The following EPHA7 variants were observed in gnomAD, a reference collection of about 807,000 sequenced individuals.
EPHA7 encodes the protein EPH receptor A7, also known as ephrin type-A receptor 7.
Under a neutral mutation model 112.6 loss-of-function variants are expected in EPHA7, and 25 were observed. The ratio of observed to expected loss-of-function variants is 0.22; its 90% CI spans 0.16 to 0.31. EPHA7 has a LOEUF of 0.31. Ranked by LOEUF, EPHA7 falls within the 10% of genes least tolerant of loss-of-function variation. EPHA7 has a pLI of 1.00. For synonymous variants in EPHA7, 437 were observed against 406.5 expected (o/e 1.07, Z -0.90); for missense variants, 962 against 1,212.6 (o/e 0.79, Z 3.07).
rs145795183 is a variant in EPHA7, at chr6:93,304,130, T to A, written c.1325-31708A>T. ...GGAATAGTAGGCATTCTAGAATGGA[T>A]TGGCTGTCATGAATAATTACTATAC... On this transcript the variant is annotated intron_variant, in intron 5 of 16. Transcript: ENST00000369303. Among the ~76,000 whole-genome samples, 846 of 150,894 alleles carry A rather than the reference T, an allele frequency of 5.6e-3. 3 individuals carry two copies. Among genetic ancestry groups the A allele is most frequent in the Middle Eastern group, 0.014 (4 of 292 alleles).
chr6:93,330,580 C>T (rs987564957), intron 5 of EPHA7, among the ~76,000 whole-genome samples: 15 of 151,436 alleles, frequency 9.9e-5, no homozygotes, highest in Admixed American at 4.0e-4. Context: ...ATAATGTCCT[C>T]CAGGCTCAAC....
intron 3 of EPHA7, among the ~76,000 whole-genome samples, chr6:93,385,474 A>AT (rs1301178394): frequency 1.3e-5 from 2 of 151,992 alleles, no homozygotes; most frequent in Admixed American, 6.6e-5. Context: ...TCCAGATTGC[A>AT]TTTTTTAATT....
intron 5 of EPHA7, among the ~76,000 whole-genome samples, chr6:93,292,170 T>G (rs1772414788): frequency 6.6e-6 from 1 of 152,136 alleles, no homozygotes; most frequent in African/African-American, 2.4e-5. Flanking sequence ...CAATCCCAGC[T>G]CTGTCACTTA....
chr6:93,416,558 C>T (rs1779237298), intron 1 of EPHA7, among the ~76,000 whole-genome samples: 1 of 152,202 alleles, frequency 6.6e-6, no homozygotes, highest in African/African-American at 2.4e-5. Context: ...CAGAACCCGG[C>T]CCGAGAACGT....
intron 3 of EPHA7, among the ~76,000 whole-genome samples, chr6:93,384,503 A>T (rs1252910128): frequency 1.3e-5 from 2 of 152,188 alleles, no homozygotes; most frequent in African/African-American, 4.8e-5. Context: ...CCAGAACTTA[A>T]TGCAACTTTT....
chr6:93,272,330 T>C lies in EPHA7; in HGVS notation c.1417A>G (p.Ile473Val), dbSNP rs1431588483. Reference sequence around the variant, plus strand: ...TAATACTTGATTTCATATTCTGTGATGACTCCATTGGGATGCTCTGGTTCC... The same window carrying C: ...TAATACTTGATTTCATATTCTGTGACGACTCCATTGGGATGCTCTGGTTCC... ...WQEPEHPNGV[I>V]TEYEIKYYEK... Residue 473 changes from isoleucine to valine, a missense_variant, in exon 6 of 17, where the codon ATC becomes GTC. By Grantham distance (29) the Ile-to-Val change is conservative. This residue lies in a region of EPHA7 where 746 missense variants were observed against 889.2 expected (regional missense o/e 0.84). Coordinates refer to ENST00000369303, the MANE Select transcript of EPHA7 (RefSeq NM_004440.4). 6.2e-7 allele frequency: 1 copy of C among 1,612,180 alleles called. No individual in the cohort carries two copies. The highest frequency in any genetic ancestry group is 1.3e-5 in the African/African-American group (1 of 74,872).
At position 93,390,206 on chromosome 6, in the gene EPHA7, A is replaced by G. The variant is rs1400077504; in HGVS notation, c.832+20295T>C. The stretch of plus-strand genomic sequence containing the variant: ...ACAATGTGGAATATTCTAAAAGGTA[A>G]CTGGTCTGGATTCTCAAAAAAAAAA... On this transcript the variant is annotated intron_variant, in intron 3 of 16. Transcript: ENST00000369303. 2.0e-5 allele frequency among the ~76,000 whole-genome samples: 3 copies of G among 151,504 alleles called. No homozygotes were observed. The East Asian group carries it at 5.8e-4, about 29-fold the overall frequency.
At chr6:93,256,306 T>C (rs1193202006) in intron 12 of EPHA7, among the ~76,000 whole-genome samples, 2 of 152,102 alleles carry the variant, frequency 1.3e-5, no homozygotes, top group Non-Finnish European at 2.9e-5. Flanking sequence ...AGTCCAAAAG[T>C]ATATGCTAAT....
intron 3 of EPHA7, among the ~76,000 whole-genome samples, chr6:93,396,752 A>G (rs1025185068): frequency 6.6e-5 from 10 of 151,856 alleles, no homozygotes; most frequent in African/African-American, 1.9e-4. Flanking sequence ...ATAACAATAT[A>G]TTTGCACATC....
intron 3 of EPHA7, among the ~76,000 whole-genome samples, chr6:93,366,536 T>A (rs1020060063): frequency 1.3e-5 from 2 of 152,180 alleles, no homozygotes; most frequent in Admixed American, 1.3e-4. Flanking sequence ...TAACCGCCCC[T>A]ACAAATATAC....
intron 3 of EPHA7, among the ~76,000 whole-genome samples, chr6:93,374,280 C>A (rs1776944299): frequency 6.6e-6 from 1 of 152,062 alleles, no homozygotes; most frequent in South Asian, 2.1e-4. Flanking sequence ...TCTGTCTTCC[C>A]ACTCCTCTAT....
intron 5 of EPHA7, among the ~76,000 whole-genome samples, chr6:93,276,778 A>G (rs1219851126): frequency 3.3e-5 from 5 of 152,082 alleles, no homozygotes; most frequent in Non-Finnish European, 7.4e-5. Flanking sequence ...CCCAAAACAC[A>G]ATGTTTCACA....
At chr6:93,387,642 A>G (rs1012849119) in intron 3 of EPHA7, among the ~76,000 whole-genome samples, 1 of 152,130 alleles carries the variant, frequency 6.6e-6, no homozygotes, top group Non-Finnish European at 1.5e-5. Context: ...ACAATTACGC[A>G]TAGCTGGGGA....
chr6:93,369,129 A>G (rs555553115), intron 3 of EPHA7, among the ~76,000 whole-genome samples: 1 of 151,168 alleles, frequency 6.6e-6, no homozygotes, highest in East Asian at 1.9e-4. Context: ...TTTCTTTTTT[A>G]AAAAAAAGAG....
chr6:93,345,271 C>G (rs548735224), intron 5 of EPHA7, among the ~76,000 whole-genome samples: 1 of 151,742 alleles, frequency 6.6e-6, no homozygotes, highest in Non-Finnish European at 1.5e-5. Context: ...CTGCATCTTT[C>G]TATATGCTGA....
At chr6:93,248,853 T>C (rs1770079397) in intron 14 of EPHA7, among the ~76,000 whole-genome samples, 2 of 152,148 alleles carry the variant, frequency 1.3e-5, no homozygotes, top group African/African-American at 4.8e-5. Flanking sequence ...GTCACCACTT[T>C]CTGATGATTT....
At chr6:93,276,516 T>G (rs541498023) in intron 5 of EPHA7, among the ~76,000 whole-genome samples, 1 of 152,210 alleles carries the variant, frequency 6.6e-6, no homozygotes, top group East Asian at 1.9e-4. Flanking sequence ...AGGCTGGTAG[T>G]TGAACCTTGC....
At chr6:93,365,333 G>A (rs1159237872) in intron 3 of EPHA7, among the ~76,000 whole-genome samples, 6 of 152,172 alleles carry the variant, frequency 3.9e-5, no homozygotes, top group Non-Finnish European at 8.8e-5. Flanking sequence ...ACGTAGTTAA[G>A]AATTCTAATG....
At chr6:93,294,787 G>T (rs1772567989) in intron 5 of EPHA7, among the ~76,000 whole-genome samples, 2 of 151,958 alleles carry the variant, frequency 1.3e-5, no homozygotes, top group Admixed American at 1.3e-4. Context: ...TTCACATATG[G>T]CATTGATAAG....
Sources: gnomAD v4.1 joint callset for allele counts (sites outside exome capture counted in the v4.1 genomes callset) on GRCh38, gnomAD v4.1.1 for gene constraint, gnomAD v4.1.1 regional missense constraint, MANE v1.5 for transcripts, NCBI Gene and HGNC (gene_info 2026-07-23, HGNC 2026-07-21) for gene names.